Variants in SLC16A12 observed in about 807,000 individuals in gnomAD.
The protein encoded by SLC16A12 is solute carrier family 16 member 12.
In SLC16A12, 17 loss-of-function variants were observed where a neutral mutation model predicts 42.4. The observed-to-expected ratio is 0.40, with a 90% confidence interval of 0.27 to 0.60. The LOEUF (loss-of-function observed/expected upper bound fraction) is 0.60, where lower values mean the gene tolerates loss of function less well. SLC16A12 is among the 20% of genes least tolerant of loss of function. SLC16A12 has a pLI of 0.42. For synonymous variants in SLC16A12, 224 were observed against 229.4 expected (o/e 0.98, Z 0.21); for missense variants, 544 against 623.0 (o/e 0.87, Z 1.35).
chr10:89,532,667 G>A (rs1696753524), intron 2 of SLC16A12, among the ~76,000 whole-genome samples: 1 of 152,150 alleles, frequency 6.6e-6, no homozygotes, highest in African/African-American at 2.4e-5. Flanking sequence ...CTTTTCTTTG[G>A]CTGTATACGA....
chr10:89,446,688 A>T (rs1842007590), intron 3 of SLC16A12, among the ~76,000 whole-genome samples: 1 of 152,250 alleles, frequency 6.6e-6, no homozygotes, highest in Non-Finnish European at 1.5e-5. Flanking sequence ...TGCTAGGAAG[A>T]AACTGCATCA....
At chr10:89,448,804 A>T (rs1564571931) in intron 3 of SLC16A12, among the ~76,000 whole-genome samples, 1 of 152,228 alleles carries the variant, frequency 6.6e-6, no homozygotes, top group Non-Finnish European at 1.5e-5. Context: ...TTAGGAAAAG[A>T]GGAAGTCAAA....
chr10:89,528,877 G>A (rs1037457726), intron 2 of SLC16A12, among the ~76,000 whole-genome samples: 1 of 152,200 alleles, frequency 6.6e-6, no homozygotes, highest in Middle Eastern at 3.4e-3. Context: ...ATGTGTAGGT[G>A]GGGTTGAGAA....
chr10:89,471,003 C>A lies in SLC16A12; in HGVS notation c.-46-8379G>T, dbSNP rs578145747. 3.3e-5 allele frequency among the ~76,000 whole-genome samples: 5 copies of A among 152,236 alleles called. No individual in the cohort carries two copies. In the South Asian group the frequency reaches 1.0e-3, roughly 32 times the overall value. On this transcript the variant is annotated intron_variant, in intron 2 of 7. Coordinates refer to ENST00000371790, the MANE Select transcript of SLC16A12 (RefSeq NM_213606.4). Reference sequence around the variant, plus strand: ...AACACAAGAGAGGAGAGAAACAACCCTAATAATCAGAGTAACCTCAGATTT... The same window carrying A: ...AACACAAGAGAGGAGAGAAACAACCATAATAATCAGAGTAACCTCAGATTT...
chr10:89,529,694 C>G (rs1041979884), intron 2 of SLC16A12, among the ~76,000 whole-genome samples: 1 of 152,020 alleles, frequency 6.6e-6, no homozygotes, highest in Admixed American at 6.5e-5. Context: ...ATTACAGGCA[C>G]GTGCCACCAC....
At chr10:89,456,784 G>A (rs1842199322) in intron 3 of SLC16A12, among the ~76,000 whole-genome samples, 2 of 152,188 alleles carry the variant, frequency 1.3e-5, no homozygotes, top group South Asian at 2.1e-4. Context: ...TTCCACTTAT[G>A]ATTGAGAACA....
At chr10:89,530,901 T>C (rs909977962) in intron 2 of SLC16A12, among the ~76,000 whole-genome samples, 10 of 152,180 alleles carry the variant, frequency 6.6e-5, no homozygotes, top group Admixed American at 2.0e-4. Flanking sequence ...ATTATGGACA[T>C]TTCATATAAA....
At chr10:89,461,368 C>T (rs1019435680) in intron 3 of SLC16A12, among the ~76,000 whole-genome samples, 1 of 152,190 alleles carries the variant, frequency 6.6e-6, no homozygotes, top group Non-Finnish European at 1.5e-5. Flanking sequence ...AGGTTTTAAG[C>T]TTCCAGGGGC....
At chr10:89,504,935 G>C (rs936931910) in intron 2 of SLC16A12, among the ~76,000 whole-genome samples, 8 of 152,150 alleles carry the variant, frequency 5.3e-5, no homozygotes, top group African/African-American at 1.9e-4. Context: ...GTGCCAGGGA[G>C]CATAAGTCTC....
At position 89,439,277 on chromosome 10, in the gene SLC16A12, T is replaced by G. The variant is rs184615848; in HGVS notation, c.449-94A>C. 1.7e-4 allele frequency: 228 copies of G among 1,309,440 alleles called. 2 individuals are homozygous for G. The African/African-American group carries it at 2.1e-3, about 12-fold the overall frequency. The allele number at this position is 1,309,440 out of a possible 1,614,324, so 81.1% of individuals were successfully genotyped here. On this transcript the variant is annotated intron_variant, in intron 5 of 7. Transcript: ENST00000371790. The stretch of plus-strand genomic sequence containing the variant: ...GATTTATATTAAAGAGAATCTGACC[T>G]CTCATTAAACCCTTTTAAAGCTGCT...
At chr10:89,481,648 T>C (rs1842663353) in intron 2 of SLC16A12, among the ~76,000 whole-genome samples, 1 of 84,276 alleles carries the variant, frequency 1.2e-5, no homozygotes, top group African/African-American at 3.4e-5. Context: ...TTTTCTTGTG[T>C]GTGTGTGTGT....
intron 3 of SLC16A12, among the ~76,000 whole-genome samples, chr10:89,457,118 T>C (rs113915749): frequency 0.019 from 2,959 of 152,166 alleles, 35 homozygotes; most frequent in Non-Finnish European, 0.022. Context: ...TATGCAAAAA[T>C]TGACAAATAG....
chr10:89,532,428 C>T (rs1843569645), intron 2 of SLC16A12, among the ~76,000 whole-genome samples: 1 of 152,152 alleles, frequency 6.6e-6, no homozygotes, highest in Non-Finnish European at 1.5e-5. Context: ...ATGTAGAGCA[C>T]ATTAAAAATA....
chr10:89,464,600 T>G (rs1243160212), intron 2 of SLC16A12, among the ~76,000 whole-genome samples: 1 of 152,224 alleles, frequency 6.6e-6, no homozygotes, highest in Non-Finnish European at 1.5e-5. Flanking sequence ...ACAAAGACTA[T>G]GTACCACCTG....
At chr10:89,516,201 T>A (rs2133846895) in intron 2 of SLC16A12, among the ~76,000 whole-genome samples, 1 of 152,244 alleles carries the variant, frequency 6.6e-6, no homozygotes, top group African/African-American at 2.4e-5. Context: ...TTTTGTTGAA[T>A]TTGTTCACTG....
At chr10:89,457,650 A>G (rs1842216975) in intron 3 of SLC16A12, among the ~76,000 whole-genome samples, 1 of 150,510 alleles carries the variant, frequency 6.6e-6, no homozygotes. Context: ...ATTTTTATGT[A>G]CAACCAGTTA....
In SLC16A12 at chr10:89,495,294, C is replaced by T. The variant is rs572774348; in HGVS notation, c.-46-32670G>A. On this transcript the variant is annotated intron_variant, in intron 2 of 7. Coordinates refer to ENST00000371790, the MANE Select transcript of SLC16A12 (RefSeq NM_213606.4). Reference sequence around the variant, plus strand: ...GCTTGAACCTAGGAGGCGGAGGTTGCAGTAAGCCGAGATCCGCCACTGCAC... The same window carrying T: ...GCTTGAACCTAGGAGGCGGAGGTTGTAGTAAGCCGAGATCCGCCACTGCAC... 3.3e-5 allele frequency among the ~76,000 whole-genome samples: 5 copies of T among 152,108 alleles called. No homozygotes were observed. In the East Asian group the frequency reaches 7.7e-4, roughly 24 times the overall value.
At chr10:89,490,418 T>A (rs1837065122) in intron 2 of SLC16A12, among the ~76,000 whole-genome samples, 1 of 152,144 alleles carries the variant, frequency 6.6e-6, no homozygotes, top group South Asian at 2.1e-4. Flanking sequence ...CAGATACCAG[T>A]CACAAGTCTG....
intron 3 of SLC16A12, among the ~76,000 whole-genome samples, chr10:89,450,682 A>C (rs2133714276): frequency 6.6e-6 from 1 of 152,292 alleles, no homozygotes; most frequent in Non-Finnish European, 1.5e-5. Context: ...GGTGTAGCAA[A>C]CCAACATGGC....
Sources: gnomAD v4.1 joint callset for allele counts (sites outside exome capture counted in the v4.1 genomes callset) on GRCh38, gnomAD v4.1.1 for gene constraint, MANE v1.5 for transcripts, NCBI Gene and HGNC (gene_info 2026-07-23, HGNC 2026-07-21) for gene names.